Variants in NR3C2 observed in about 807,000 individuals in gnomAD.
NR3C2 encodes the protein mineralocorticoid receptor.
A neutral mutation model predicts 86.4 loss-of-function variants in NR3C2; 15 were observed. That is an observed-to-expected ratio of 0.17 (90% confidence interval 0.12 to 0.27). NR3C2 has a LOEUF of 0.27. Among genes scored for constraint, NR3C2 ranks in the 10% least tolerant of loss-of-function variants. The probability of loss-of-function intolerance (pLI) is 1.00; values close to 1 mark genes in which losing one functional copy is unlikely to be tolerated. For synonymous variants in NR3C2, 458 were observed against 450.5 expected, an observed-to-expected ratio of 1.02 and a Z score of -0.21; for missense variants, 960 against 1,195.6, an observed-to-expected ratio of 0.80 and a Z score of 2.91.
At chr4:148,100,604 C>A (rs185803565) in intron 8 of NR3C2, among the ~76,000 whole-genome samples, 2 of 152,306 alleles carry the variant, frequency 1.3e-5, no homozygotes, top group Admixed American at 1.3e-4. Flanking sequence ...AAATTAGAAT[C>A]CTTGTTCACT....
At chr4:148,192,146 C>T (rs973633052) in intron 4 of NR3C2, among the ~76,000 whole-genome samples, 1 of 152,186 alleles carries the variant, frequency 6.6e-6, no homozygotes, top group Non-Finnish European at 1.5e-5. Flanking sequence ...GGGCTGAAAG[C>T]TGCTGTTCAG....
chr4:148,399,365 T>C (rs1457428964), intron 2 of NR3C2, among the ~76,000 whole-genome samples: 1 of 151,938 alleles, frequency 6.6e-6, no homozygotes, highest in Non-Finnish European at 1.5e-5. Flanking sequence ...CTTAACATTG[T>C]TTTTCTATAT....
intron 2 of NR3C2, among the ~76,000 whole-genome samples, chr4:148,371,284 A>AT (rs546716376): frequency 0.022 from 3,305 of 151,860 alleles, 53 homozygotes; most frequent in South Asian, 0.038. Context: ...TATTCATTCT[A>AT]TTTTTTTTGT....
At chr4:148,256,552 C>T (rs1164766812) in intron 3 of NR3C2, among the ~76,000 whole-genome samples, 2 of 152,098 alleles carry the variant, frequency 1.3e-5, no homozygotes, top group Non-Finnish European at 2.9e-5. Flanking sequence ...AACTGAGGCC[C>T]AGAGAAGTTT....
intron 3 of NR3C2, among the ~76,000 whole-genome samples, chr4:148,233,302 CTCT>C (rs1738558703): frequency 6.6e-6 from 1 of 151,502 alleles, no homozygotes; most frequent in African/African-American, 2.4e-5. Flanking sequence ...AGATGTGCAA[CTCT>C]TCTTTTCACT....
chr4:148,232,622 C>G (rs1401349377), intron 3 of NR3C2, among the ~76,000 whole-genome samples: 2 of 152,138 alleles, frequency 1.3e-5, no homozygotes, highest in East Asian at 1.9e-4. Context: ...TACATTAGCC[C>G]CTGACAAGAG....
chr4:148,368,540 C>T (rs1001671882), intron 2 of NR3C2: 37 of 152,128 alleles, frequency 2.4e-4, no homozygotes, highest in African/African-American at 8.0e-4. Flanking sequence ...ATAAAATGAA[C>T]ATGGTACTTT....
chr4:148,209,740 A>C (rs1187890187), intron 3 of NR3C2, among the ~76,000 whole-genome samples: 1 of 152,234 alleles, frequency 6.6e-6, no homozygotes, highest in Non-Finnish European at 1.5e-5. Context: ...AATTAGGGCT[A>C]GGACGGTTGC....
Position 148,141,697 on chromosome 4 carries a change from G to A in NR3C2, c.2510+10772C>T, listed in dbSNP as rs568900249. Among the ~76,000 whole-genome samples the A allele has an allele frequency of 1.2e-4, 18 of 152,284 alleles. No homozygotes were observed. In the South Asian group the frequency reaches 3.7e-3, roughly 32 times the overall value. ...ACAGCAGGTGGTGGGCAGCAGGCGA[G>A]TGAGTGTTACAGCCTGAGCTCCACC... On this transcript the variant is annotated intron_variant, in intron 6 of 8. Coordinates refer to ENST00000358102, the MANE Select transcript of NR3C2 (RefSeq NM_000901.5).
At chr4:148,304,112 C>G (rs371548394) in intron 2 of NR3C2, among the ~76,000 whole-genome samples, 1 of 150,518 alleles carries the variant, frequency 6.6e-6, no homozygotes, top group African/African-American at 2.4e-5. Context: ...GTACCCCTTT[C>G]CAATGCATCC....
At chr4:148,332,630 T>G (rs1319207331) in intron 2 of NR3C2, among the ~76,000 whole-genome samples, 2 of 152,214 alleles carry the variant, frequency 1.3e-5, no homozygotes, top group African/African-American at 4.8e-5. Flanking sequence ...AGCATCTTAG[T>G]CAAAACATCT....
chr4:148,210,044 T>TCC (rs1737205868), intron 3 of NR3C2, among the ~76,000 whole-genome samples: 1 of 152,140 alleles, frequency 6.6e-6, no homozygotes, highest in South Asian at 2.1e-4. Flanking sequence ...GCAAGGTCCT[T>TCC]CCCTTCCATT....
intron 2 of NR3C2, among the ~76,000 whole-genome samples, chr4:148,357,373 G>A (rs960015005): frequency 6.6e-5 from 10 of 151,834 alleles, no homozygotes; most frequent in South Asian, 2.1e-4. Context: ...TAATGTTATC[G>A]TCATCATTAT....
chr4:148,394,728 C>T (rs1315268780), intron 2 of NR3C2, among the ~76,000 whole-genome samples: 1 of 152,084 alleles, frequency 6.6e-6, no homozygotes, highest in South Asian at 2.1e-4. Context: ...AGTTTTGGAA[C>T]TGGGTACTAC....
At chr4:148,392,838 T>A (rs1382092039) in intron 2 of NR3C2, among the ~76,000 whole-genome samples, 1 of 152,216 alleles carries the variant, frequency 6.6e-6, no homozygotes, top group Admixed American at 6.5e-5. Flanking sequence ...AATGTAAGGC[T>A]TTCCCCTTGG....
chr4:148,253,512 T>C (rs140194890), intron 3 of NR3C2, among the ~76,000 whole-genome samples: 1 of 152,334 alleles, frequency 6.6e-6, no homozygotes, highest in African/African-American at 2.4e-5. Context: ...GGTTCTAACG[T>C]TGGCCTGCTC....
At position 148,193,083 on chromosome 4, in the gene NR3C2, C is replaced by G. The variant is rs1034598985; in HGVS notation, c.2014+1663G>C. On this transcript the variant is annotated intron_variant, in intron 4 of 8. Coordinates refer to ENST00000358102, the MANE Select transcript of NR3C2 (RefSeq NM_000901.5). ...TTTTACCCCCTGCTCCTCTGGCCAC[C>G]CTCCCGATGGATCCCTGTGGTGTCA... 4.6e-5 allele frequency among the ~76,000 whole-genome samples: 7 copies of G among 152,190 alleles called. 1 individual carries two copies. The highest frequency in any genetic ancestry group is 1.7e-4 in the African/African-American group (7 of 41,448).
intron 2 of NR3C2, among the ~76,000 whole-genome samples, chr4:148,289,706 A>G (rs989554146): frequency 3.9e-5 from 6 of 152,160 alleles, no homozygotes; most frequent in Non-Finnish European, 8.8e-5. Context: ...AGAACAGAGC[A>G]AAAGTTACCA....
chr4:148,427,309 C>T (rs1025726207), intron 2 of NR3C2, among the ~76,000 whole-genome samples: 3 of 151,956 alleles, frequency 2.0e-5, no homozygotes, highest in African/African-American at 2.4e-5. Context: ...ATGTTTTTGC[C>T]GATTTTCCAC....
Sources: allele counts gnomAD v4.1 joint callset (sites outside exome capture counted in the v4.1 genomes callset), GRCh38; gene constraint gnomAD v4.1.1; transcripts MANE v1.5; gene names NCBI Gene and HGNC (gene_info 2026-07-23, HGNC 2026-07-21).